DSCAML1: variants seen among roughly 807,000 people sequenced by gnomAD.
The protein encoded by DSCAML1 is DS cell adhesion molecule like 1, also known as cell adhesion molecule DSCAML1.
DSCAML1 carries 38 observed loss-of-function variants against 200.5 expected under a neutral mutation model. That is an observed-to-expected ratio of 0.19 (90% CI 0.15 to 0.25). DSCAML1 has a LOEUF of 0.25. Ranked by LOEUF, DSCAML1 falls within the 10% of genes least tolerant of loss-of-function variation. DSCAML1 has a pLI of 1.00. For synonymous variants in DSCAML1, 1,215 were observed against 1,165.0 expected (o/e 1.04, Z -0.87); for missense variants, 2,223 against 2,858.8 (o/e 0.78, Z 5.07).
At chr11:117,506,862 C>T (rs2049509740) in intron 8 of DSCAML1, among the ~76,000 whole-genome samples, 2 of 152,158 alleles carry the variant, frequency 1.3e-5, no homozygotes, top group Non-Finnish European at 2.9e-5. Context: ...ATCTTTTTGT[C>T]TTGTAGGTGA....
At chr11:117,634,421 C>T (rs1414288547) in intron 3 of DSCAML1, among the ~76,000 whole-genome samples, 2 of 152,182 alleles carry the variant, frequency 1.3e-5, no homozygotes, top group Non-Finnish European at 2.9e-5. Context: ...TGACTGTGTT[C>T]CCCCTTCTGT....
chr11:117,604,417 C>T (rs1187416069), intron 3 of DSCAML1, among the ~76,000 whole-genome samples: 1 of 151,974 alleles, frequency 6.6e-6, no homozygotes, highest in Non-Finnish European at 1.5e-5. Flanking sequence ...TCCCTCCCAG[C>T]GCCTGCCCCT....
At chr11:117,508,810 C>A (rs1414222819) in intron 8 of DSCAML1, among the ~76,000 whole-genome samples, 1 of 152,016 alleles carries the variant, frequency 6.6e-6, no homozygotes, top group African/African-American at 2.4e-5. Flanking sequence ...GAGGGCCAAG[C>A]CCGGGCACAG....
At chr11:117,627,077 A>G (rs1196542407) in intron 3 of DSCAML1, among the ~76,000 whole-genome samples, 1 of 152,184 alleles carries the variant, frequency 6.6e-6, no homozygotes, top group Non-Finnish European at 1.5e-5. Context: ...GGTATAGGTC[A>G]TTAGACTAAT....
intron 3 of DSCAML1, among the ~76,000 whole-genome samples, chr11:117,688,999 A>T (rs563750020): frequency 1.3e-5 from 2 of 152,290 alleles, no homozygotes; most frequent in East Asian, 3.9e-4. Flanking sequence ...GGAGCAACAG[A>T]GACCCCTTCC....
In DSCAML1 at chr11:117,428,053, A is replaced by G. The variant is rs1005748139; in HGVS notation, c.*275T>C. On this transcript the variant is annotated 3_prime_UTR_variant, in exon 33 of 33. Transcript: ENST00000651296. Reference sequence around the variant, plus strand: ...CTCGTGGACGCGTTCCTGTCTGTCTATATATGTATATATATCTCCACACAT... The same window carrying G: ...CTCGTGGACGCGTTCCTGTCTGTCTGTATATGTATATATATCTCCACACAT... 1 of 347,238 alleles carries G rather than the reference A, an allele frequency of 2.9e-6. No homozygotes were observed. Among genetic ancestry groups the G allele is most frequent in the Non-Finnish European group, 5.2e-6 (1 of 192,586 alleles). 21.5% of individuals were successfully genotyped at this position (347,238 alleles called of 1,614,324 possible).
rs1005727598 is a variant in DSCAML1, at chr11:117,651,502, G to A, written c.512-118980C>T. 1.2e-4 allele frequency among the ~76,000 whole-genome samples: 18 copies of A among 151,842 alleles called. No individual in the cohort carries two copies. In the East Asian group the frequency reaches 3.1e-3, roughly 26 times the overall value. The stretch of plus-strand genomic sequence containing the variant: ...GGGCAGATCACGAGGTCAGGAGATC[G>A]AGACCATCCTGGCTAACACGGTGAA... On this transcript the variant is annotated intron_variant, in intron 3 of 32. Coordinates refer to ENST00000651296, the MANE Select transcript of DSCAML1 (RefSeq NM_020693.4).
At chr11:117,758,299 C>CA (rs376046918) in intron 3 of DSCAML1, among the ~76,000 whole-genome samples, 10,886 of 127,776 alleles carry the variant, frequency 0.085, 455 homozygotes, top group African/African-American at 0.12. Context: ...GACTCCATCT[C>CA]AAAAAAAAAA....
chr11:117,478,864 C>T (rs928632572), intron 14 of DSCAML1, among the ~76,000 whole-genome samples: 23 of 152,212 alleles, frequency 1.5e-4, no homozygotes, highest in African/African-American at 5.3e-4. Flanking sequence ...CTGGACAACC[C>T]CTGTTGGCTG....
intron 3 of DSCAML1, among the ~76,000 whole-genome samples, chr11:117,759,039 T>A (rs749890019): frequency 4.6e-5 from 7 of 152,166 alleles, no homozygotes; most frequent in Non-Finnish European, 8.8e-5. Context: ...TCTGTCCTCT[T>A]TGTAAACTCT....
intron 16 of DSCAML1, among the ~76,000 whole-genome samples, chr11:117,468,471 T>C (rs555196291): frequency 7.9e-5 from 12 of 152,362 alleles, no homozygotes; most frequent in African/African-American, 2.6e-4. Context: ...TGTAGCCCAA[T>C]GTTTCAGTAC....
At chr11:117,543,865 A>G (rs1677026474) in intron 3 of DSCAML1, among the ~76,000 whole-genome samples, 1 of 151,546 alleles carries the variant, frequency 6.6e-6, no homozygotes, top group African/African-American at 2.4e-5. Context: ...CAGGTCTATG[A>G]TGCGTATGTA....
chr11:117,590,902 C>G (rs1030787900), intron 3 of DSCAML1, among the ~76,000 whole-genome samples: 17 of 152,140 alleles, frequency 1.1e-4, no homozygotes, highest in African/African-American at 4.1e-4. Flanking sequence ...CCTAAAGATT[C>G]GTACTGAGTG....
intron 8 of DSCAML1, among the ~76,000 whole-genome samples, chr11:117,513,994 T>C (rs1254073636): frequency 6.6e-6 from 1 of 152,174 alleles, no homozygotes; most frequent in East Asian, 1.9e-4. Flanking sequence ...TTCCACCGGA[T>C]GTCCAGTGAT....
intron 3 of DSCAML1, among the ~76,000 whole-genome samples, chr11:117,597,786 C>T (rs966739511): frequency 6.6e-6 from 1 of 152,160 alleles, no homozygotes; most frequent in South Asian, 2.1e-4. Context: ...GTGCTGTCTT[C>T]TCCTGACCTC....
At chr11:117,764,220 C>T (rs1031968025) in intron 3 of DSCAML1, among the ~76,000 whole-genome samples, 1 of 151,990 alleles carries the variant, frequency 6.6e-6, no homozygotes, top group African/African-American at 2.4e-5. Flanking sequence ...TTCTTAGGTC[C>T]CTGCTCTGGG....
intron 16 of DSCAML1, among the ~76,000 whole-genome samples, chr11:117,468,064 C>T (rs1169489630): frequency 6.6e-6 from 1 of 152,102 alleles, no homozygotes; most frequent in Admixed American, 6.5e-5. Flanking sequence ...CTTCACAGAT[C>T]CTTCCTGCCT....
chr11:117,755,223 A>T (rs1377550604), intron 3 of DSCAML1, among the ~76,000 whole-genome samples: 1 of 152,160 alleles, frequency 6.6e-6, no homozygotes, highest in Non-Finnish European at 1.5e-5. Flanking sequence ...GACTTGCAAG[A>T]AAACAGAAAC....
chr11:117,812,037 C>T (rs2055765740), intron 1 of DSCAML1, among the ~76,000 whole-genome samples: 1 of 152,168 alleles, frequency 6.6e-6, no homozygotes, highest in Admixed American at 6.5e-5. Context: ...CCTTATTAGG[C>T]CGAGATATTT....
Sources: gnomAD v4.1 joint callset for allele counts (sites outside exome capture counted in the v4.1 genomes callset) on GRCh38, gnomAD v4.1.1 for gene constraint, MANE v1.5 for transcripts, NCBI Gene and HGNC (gene_info 2026-07-23, HGNC 2026-07-21) for gene names.